Variants in PSD3 observed in about 807,000 individuals in gnomAD.
PSD3 encodes PH and SEC7 domain-containing protein 3.
A neutral mutation model predicts 105.5 loss-of-function variants in PSD3; 49 were observed. That is an observed-to-expected ratio of 0.46 (90% confidence interval 0.37 to 0.59). PSD3 has a LOEUF of 0.59. Ranked by LOEUF, PSD3 falls within the 20% of genes least tolerant of loss-of-function variation. The probability of loss-of-function intolerance (pLI) is 0.00; values close to 1 mark genes in which losing one functional copy is unlikely to be tolerated. For synonymous variants in PSD3, 557 were observed against 457.8 expected (o/e 1.22, Z -2.77); for missense variants, 1,561 against 1,263.8 (o/e 1.24, Z -3.57).
chr8:18,540,195 G>A (rs1049394366), intron 15 of PSD3, among the ~76,000 whole-genome samples: 1 of 152,200 alleles, frequency 6.6e-6, no homozygotes, highest in African/African-American at 2.4e-5. Flanking sequence ...CTGATAGAAG[G>A]TGGTAGGCAA....
chr8:18,923,731 C>G (rs1281274486), intron 2 of PSD3, among the ~76,000 whole-genome samples: 1 of 152,110 alleles, frequency 6.6e-6, no homozygotes, highest in Non-Finnish European at 1.5e-5. Flanking sequence ...CGCTTTATGA[C>G]ACATTTCTCA....
chr8:18,865,547 A>C (rs1405090567), intron 4 of PSD3, among the ~76,000 whole-genome samples: 1 of 151,934 alleles, frequency 6.6e-6, no homozygotes, highest in Admixed American at 6.6e-5. Context: ...ACCTGTAACC[A>C]CTTATTATCA....
At chr8:18,865,259 TATATATATATATATA>T (rs1816790199) in intron 4 of PSD3, 3 of 6,868 alleles carry the variant, frequency 4.4e-4, no homozygotes, top group East Asian at 3.7e-3. Flanking sequence ...TATATATATA[TATATATATATATATA>T]TATATATATA....
chr8:19,069,102 A>G (rs76179976), intron 1 of PSD3, among the ~76,000 whole-genome samples: 2,427 of 152,328 alleles, frequency 0.016, 76 homozygotes, highest in African/African-American at 0.056. Flanking sequence ...TAAATTCAGC[A>G]GAAAAATAGC....
At chr8:18,565,098 G>T (rs879585450) in intron 14 of PSD3, among the ~76,000 whole-genome samples, 2 of 152,062 alleles carry the variant, frequency 1.3e-5, no homozygotes, top group African/African-American at 4.8e-5. Flanking sequence ...GCCACCTGCC[G>T]GCCTGGAGTG....
intron 9 of PSD3, among the ~76,000 whole-genome samples, chr8:18,656,122 A>G (rs1230430228): frequency 6.6e-6 from 1 of 152,140 alleles, no homozygotes; most frequent in Non-Finnish European, 1.5e-5. Flanking sequence ...CAACGGCACA[A>G]TCTTGGCTCA....
chr8:18,898,849 G>C (rs2129460427), intron 2 of PSD3, among the ~76,000 whole-genome samples: 1 of 152,276 alleles, frequency 6.6e-6, no homozygotes, highest in East Asian at 1.9e-4. Flanking sequence ...TCAAGGATGG[G>C]AGAGGCAGAA....
At chr8:18,884,484 A>G (rs1818322000) in intron 2 of PSD3, among the ~76,000 whole-genome samples, 2 of 152,218 alleles carry the variant, frequency 1.3e-5, no homozygotes, top group African/African-American at 4.8e-5. Context: ...TAAATACATT[A>G]TATTTTAAGA....
At chr8:18,627,637 A>G (rs952130758) in intron 11 of PSD3, among the ~76,000 whole-genome samples, 2 of 152,110 alleles carry the variant, frequency 1.3e-5, no homozygotes, top group Admixed American at 6.6e-5. Context: ...CCACCAGAAC[A>G]AAGGGTAAAG....
At chr8:18,537,160 C>T (rs1485040839) in intron 15 of PSD3, among the ~76,000 whole-genome samples, 1 of 152,168 alleles carries the variant, frequency 6.6e-6, no homozygotes, top group Non-Finnish European at 1.5e-5. Context: ...GGTGTGAGCG[C>T]TGGTTGCCGA....
At chr8:19,047,304 G>C (rs918433555) in intron 1 of PSD3, among the ~76,000 whole-genome samples, 37 of 152,200 alleles carry the variant, frequency 2.4e-4, no homozygotes, top group African/African-American at 8.7e-4. Flanking sequence ...TGGCCTCCAG[G>C]GTACAGTAAT....
In PSD3 at chr8:18,529,917, G is replaced by C. The variant is rs894436803; in HGVS notation, c.*5826C>G. Reference sequence around the variant, plus strand: ...CATTCACAGAGCCAGTCCACTGCACGTCAAGAACCAATTAGGAAAAATGAT... The same window carrying C: ...CATTCACAGAGCCAGTCCACTGCACCTCAAGAACCAATTAGGAAAAATGAT... On this transcript the variant is annotated 3_prime_UTR_variant, in exon 16 of 16. Coordinates refer to ENST00000327040, the MANE Select transcript of PSD3 (RefSeq NM_015310.4). 1 of 152,276 alleles carries C rather than the reference G, an allele frequency of 6.6e-6. No individual in the cohort carries two copies. Among genetic ancestry groups the C allele is most frequent in the Non-Finnish European group, 1.5e-5 (1 of 68,028 alleles). 9.4% of individuals were successfully genotyped at this position (152,276 alleles called of 1,614,324 possible).
chr8:19,010,692 T>A (rs961738529), intron 1 of PSD3, among the ~76,000 whole-genome samples: 1 of 151,966 alleles, frequency 6.6e-6, no homozygotes, highest in Non-Finnish European at 1.5e-5. Context: ...AATCCCTGAG[T>A]CTGCATACAA....
chr8:18,691,037 C>A (rs1800946410), intron 9 of PSD3, among the ~76,000 whole-genome samples: 1 of 152,126 alleles, frequency 6.6e-6, no homozygotes, highest in South Asian at 2.1e-4. Flanking sequence ...TTTGTACAAC[C>A]TATGAGGACG....
At chr8:18,678,445 A>G (rs184417743) in intron 9 of PSD3, among the ~76,000 whole-genome samples, 2 of 152,348 alleles carry the variant, frequency 1.3e-5, no homozygotes, top group African/African-American at 4.8e-5. Context: ...CTCTCTGCCT[A>G]TCATTCTTTC....
chr8:18,613,246 G>A (rs1337953063), intron 11 of PSD3, among the ~76,000 whole-genome samples: 1 of 152,130 alleles, frequency 6.6e-6, no homozygotes, highest in Non-Finnish European at 1.5e-5. Flanking sequence ...CGGTCCGGAT[G>A]AAGCCCACCC....
chr8:18,820,905 A>G (rs776676054), intron 4 of PSD3, among the ~76,000 whole-genome samples: 1 of 152,034 alleles, frequency 6.6e-6, no homozygotes, highest in Non-Finnish European at 1.5e-5. Context: ...GTGAGTCACA[A>G]TGCTCAGCTA....
At chr8:18,676,154 G>C (rs1414323682) in intron 9 of PSD3, among the ~76,000 whole-genome samples, 1 of 152,152 alleles carries the variant, frequency 6.6e-6, no homozygotes, top group Middle Eastern at 3.4e-3. Flanking sequence ...CCTGGATTCT[G>C]AAAAGGATAT....
intron 9 of PSD3, among the ~76,000 whole-genome samples, chr8:18,691,856 G>C (rs1378130471): frequency 6.6e-6 from 1 of 152,160 alleles, no homozygotes; most frequent in Non-Finnish European, 1.5e-5. Context: ...AACAATGCCA[G>C]TCGAAGTACA....
Sources: allele counts gnomAD v4.1 joint callset (sites outside exome capture counted in the v4.1 genomes callset), GRCh38; gene constraint gnomAD v4.1.1; transcripts MANE v1.5; gene names NCBI Gene and HGNC (gene_info 2026-07-23, HGNC 2026-07-21).